Variants in AGBL1 observed in about 807,000 individuals in gnomAD.
The protein encoded by AGBL1 is cytosolic carboxypeptidase 4.
A neutral mutation model predicts 118.9 loss-of-function variants in AGBL1; 130 were observed. The ratio of observed to expected loss-of-function variants is 1.09; its 90% CI spans 0.95 to 1.26. AGBL1 has a LOEUF of 1.26. AGBL1 is among the 50% of genes most tolerant of loss of function. AGBL1 has a pLI of 0.00. For synonymous variants in AGBL1, 555 were observed against 478.9 expected (o/e 1.16, Z -2.08); for missense variants, 1,584 against 1,298.1 (o/e 1.22, Z -3.38).
At chr15:86,889,787 G>A (rs939315398) in intron 22 of AGBL1, among the ~76,000 whole-genome samples, 3 of 152,074 alleles carry the variant, frequency 2.0e-5, no homozygotes, top group African/African-American at 4.8e-5. Flanking sequence ...TCTTAATTCC[G>A]TCTATCATTG....
chr15:87,012,818 T>G (rs867633215), intron 24 of AGBL1, among the ~76,000 whole-genome samples: 1 of 152,138 alleles, frequency 6.6e-6, no homozygotes, highest in African/African-American at 2.4e-5. Context: ...CAGTTCTGTA[T>G]GGCTGAGATA....
At chr15:86,902,976 A>G (rs971500173) in intron 22 of AGBL1, among the ~76,000 whole-genome samples, 1 of 152,130 alleles carries the variant, frequency 6.6e-6, no homozygotes, top group African/African-American at 2.4e-5. Context: ...ATTTTCAGAC[A>G]TTATTTCTTT....
intron 22 of AGBL1, among the ~76,000 whole-genome samples, chr15:86,838,344 A>G (rs999849807): frequency 6.6e-6 from 1 of 152,196 alleles, no homozygotes; most frequent in African/African-American, 2.4e-5. Context: ...GTGTTTGTAT[A>G]ATATACCCTT....
intron 22 of AGBL1, among the ~76,000 whole-genome samples, chr15:86,833,949 G>A (rs1244520850): frequency 6.6e-6 from 1 of 152,094 alleles, no homozygotes; most frequent in Non-Finnish European, 1.5e-5. Flanking sequence ...CAAAAAAGAA[G>A]TCTGGTGCCA....
chr15:86,772,998 G>A (rs1335951201), intron 22 of AGBL1, among the ~76,000 whole-genome samples: 2 of 151,996 alleles, frequency 1.3e-5, no homozygotes, highest in African/African-American at 4.8e-5. Context: ...GCCACTGGCA[G>A]CTGGAAGCCT....
chr15:86,418,037 AT>A (rs1158494085), intron 18 of AGBL1, among the ~76,000 whole-genome samples: 1 of 152,188 alleles, frequency 6.6e-6, no homozygotes, highest in Non-Finnish European at 1.5e-5. Context: ...AATCACACTT[AT>A]CCCAGTTTCA....
At chr15:86,226,097 G>C (rs1005844121) in intron 6 of AGBL1, among the ~76,000 whole-genome samples, 4 of 152,164 alleles carry the variant, frequency 2.6e-5, no homozygotes, top group African/African-American at 7.2e-5. Flanking sequence ...AGTGGAGGTG[G>C]TAAGAGCAGG....
chr15:86,324,655 CAATT>C (rs2080157380), intron 17 of AGBL1, among the ~76,000 whole-genome samples: 1 of 152,034 alleles, frequency 6.6e-6, no homozygotes, highest in Non-Finnish European at 1.5e-5. Context: ...GTCCAGTTAA[CAATT>C]AAGTGAGTAT....
At chr15:86,762,691 A>G (rs538324468) in intron 22 of AGBL1, among the ~76,000 whole-genome samples, 35 of 152,132 alleles carry the variant, frequency 2.3e-4, no homozygotes, top group African/African-American at 8.4e-4. Context: ...GCTAGTGCTG[A>G]TAAACCCTGT....
At chr15:86,894,442 G>A (rs1052490178) in intron 22 of AGBL1, among the ~76,000 whole-genome samples, 22 of 152,108 alleles carry the variant, frequency 1.4e-4, no homozygotes, top group African/African-American at 3.9e-4. Context: ...TCTGCATGAC[G>A]TTGGAGCTTT....
intron 18 of AGBL1, among the ~76,000 whole-genome samples, chr15:86,402,348 C>T (rs1567238373): frequency 6.6e-6 from 1 of 152,018 alleles, no homozygotes; most frequent in Non-Finnish European, 1.5e-5. Flanking sequence ...GATGTAGGAG[C>T]TCTTTGGATG....
At chr15:86,477,306 A>G (rs554267519) in intron 18 of AGBL1, among the ~76,000 whole-genome samples, 91 of 152,160 alleles carry the variant, frequency 6.0e-4, no homozygotes, top group Non-Finnish European at 1.2e-3. Context: ...TGGTTTTTTG[A>G]AAGATCAACA....
intron 22 of AGBL1, among the ~76,000 whole-genome samples, chr15:86,876,262 G>A (rs1007800833): frequency 7.2e-5 from 11 of 152,124 alleles, no homozygotes; most frequent in Admixed American, 6.5e-5. Flanking sequence ...GGGGTTGAAT[G>A]GGAAGGTCAC....
intron 22 of AGBL1, among the ~76,000 whole-genome samples, chr15:86,879,795 T>C (rs191143020): frequency 5.0e-4 from 76 of 152,108 alleles, no homozygotes; most frequent in Non-Finnish European, 8.2e-4. Context: ...TTGTCAGAGG[T>C]GGCCACAGGC....
In AGBL1 at chr15:86,646,132, A is replaced by G. The variant is rs538434045; in HGVS notation, c.2995-28141A>G. On this transcript the variant is annotated intron_variant, in intron 21 of 22. Transcript: ENST00000614907. Reference sequence around the variant, plus strand: ...CCGTCTTACATCAACAGTTTGCTGAATCATTTACTTTTTCTCTTTGACAGA... The same window carrying G: ...CCGTCTTACATCAACAGTTTGCTGAGTCATTTACTTTTTCTCTTTGACAGA... Among the ~76,000 whole-genome samples the G allele has an allele frequency of 9.7e-4, 147 of 150,932 alleles. 1 individual carries two copies. Among genetic ancestry groups the G allele is most frequent in the African/African-American group, 3.3e-3 (135 of 41,436 alleles).
At chr15:86,103,745 G>T (rs979130356) in intron 1 of AGBL1, among the ~76,000 whole-genome samples, 2 of 152,198 alleles carry the variant, frequency 1.3e-5, no homozygotes, top group Non-Finnish European at 2.9e-5. Flanking sequence ...GAAGGCAGTT[G>T]CAGGCTGAGC....
chr15:87,013,312 G>T (rs11853965), intron 24 of AGBL1, among the ~76,000 whole-genome samples: 14,318 of 152,064 alleles, frequency 0.094, 1,265 homozygotes, highest in African/African-American at 0.24. Flanking sequence ...TGGTCTCTTT[G>T]TTATTTTTCA....
intron 23 of AGBL1, among the ~76,000 whole-genome samples, chr15:86,929,751 A>G (rs1360946831): frequency 1.3e-5 from 2 of 152,188 alleles, no homozygotes; most frequent in South Asian, 2.1e-4. Context: ...TTTGACTATA[A>G]CTGAAAAACT....
chr15:86,172,005 A>G (rs1597490635), intron 5 of AGBL1, among the ~76,000 whole-genome samples: 1 of 152,222 alleles, frequency 6.6e-6, no homozygotes, highest in East Asian at 1.9e-4. Flanking sequence ...GTGCAAAGTC[A>G]TAAGAATGTT....
Sources: allele counts gnomAD v4.1 joint callset (sites outside exome capture counted in the v4.1 genomes callset), GRCh38; gene constraint gnomAD v4.1.1; transcripts MANE v1.5; gene names NCBI Gene and HGNC (gene_info 2026-07-23, HGNC 2026-07-21).